Variants in SORCS2 observed in about 807,000 individuals in gnomAD.
SORCS2 encodes the protein VPS10 domain-containing receptor SorCS2.
Under a neutral mutation model 141.6 loss-of-function variants are expected in SORCS2, and 100 were observed. The ratio of observed to expected loss-of-function variants is 0.71; its 90% CI spans 0.60 to 0.83. The LOEUF (loss-of-function observed/expected upper bound fraction) is 0.83, where lower values mean the gene tolerates loss of function less well. SORCS2 is among the 40% of genes least tolerant of loss of function. The probability of loss-of-function intolerance (pLI) is 0.00; values close to 1 mark genes in which losing one functional copy is unlikely to be tolerated. For missense variants in SORCS2, 1,646 were observed against 1,560.2 expected, an observed-to-expected ratio of 1.05 and a Z score of -0.93; for synonymous variants, 789 against 676.9, an observed-to-expected ratio of 1.17 and a Z score of -2.57.
chr4:7,486,575 G>A (rs539165268), intron 2 of SORCS2, among the ~76,000 whole-genome samples: 156 of 152,310 alleles, frequency 1.0e-3, no homozygotes, highest in Middle Eastern at 3.4e-3. Flanking sequence ...GTAGCTTCCC[G>A]GGGCTGCCAG....
At chr4:7,533,926 C>T (rs1180005402) in intron 3 of SORCS2, among the ~76,000 whole-genome samples, 1 of 152,152 alleles carries the variant, frequency 6.6e-6, no homozygotes, top group Admixed American at 6.5e-5. Flanking sequence ...GGGCCAAAGG[C>T]TGGGGCTGCG....
chr4:7,346,773 C>T (rs958220697), intron 1 of SORCS2, among the ~76,000 whole-genome samples: 3 of 152,212 alleles, frequency 2.0e-5, no homozygotes, highest in East Asian at 1.9e-4. Flanking sequence ...GATCTTCCTT[C>T]TCTTTCTTCA....
At chr4:7,457,159 C>T (rs1315593480) in intron 2 of SORCS2, among the ~76,000 whole-genome samples, 3 of 152,218 alleles carry the variant, frequency 2.0e-5, no homozygotes, top group South Asian at 2.1e-4. Context: ...CGACAGCCCC[C>T]GGACAGATTC....
chr4:7,719,909 C>A (rs1471583111), intron 18 of SORCS2, among the ~76,000 whole-genome samples: 3 of 152,150 alleles, frequency 2.0e-5, no homozygotes, highest in African/African-American at 7.2e-5. Flanking sequence ...TCAAAAGATG[C>A]TCTTGGTGGG....
chr4:7,257,180 A>C (rs1319246216), intron 1 of SORCS2, among the ~76,000 whole-genome samples: 1 of 152,076 alleles, frequency 6.6e-6, no homozygotes, highest in Non-Finnish European at 1.5e-5. Flanking sequence ...CAGAGGACAG[A>C]AGTGATATTT....
Position 7,391,332 on chromosome 4 carries a change from C to G in SORCS2, c.481-4956C>G, listed in dbSNP as rs1444518413. Among the ~76,000 whole-genome samples, 3 of 152,202 alleles carry G rather than the reference C, an allele frequency of 2.0e-5. No homozygotes were observed. In the East Asian group the frequency reaches 5.8e-4, roughly 29 times the overall value. ...GAGCAGCAGAAAGTCCTGTTAATGC[C>G]GTTGTGGGTCCGAGGCTGGTTAGCC... is the stretch of plus-strand genomic sequence containing the variant. On this transcript the variant is annotated intron_variant, in intron 1 of 26. Coordinates refer to ENST00000507866, the MANE Select transcript of SORCS2 (RefSeq NM_020777.3).
At chr4:7,734,697 G>A (rs1317238430) in intron 25 of SORCS2, among the ~76,000 whole-genome samples, 1 of 152,210 alleles carries the variant, frequency 6.6e-6, no homozygotes, top group African/African-American at 2.4e-5. Flanking sequence ...TCACAGATGA[G>A]GAAACCAGGC....
intron 2 of SORCS2, among the ~76,000 whole-genome samples, chr4:7,466,772 C>G (rs148221597): frequency 1.3e-5 from 2 of 152,120 alleles, no homozygotes; most frequent in African/African-American, 2.4e-5. Context: ...TCTGGCTGGG[C>G]GATTCCCTAA....
chr4:7,385,023 C>T (rs1032210088), intron 1 of SORCS2, among the ~76,000 whole-genome samples: 2 of 152,150 alleles, frequency 1.3e-5, no homozygotes, highest in African/African-American at 2.4e-5. Flanking sequence ...GGATGCTCTG[C>T]GGGCATTTGT....
At chr4:7,299,355 GCT>G (rs1305520154) in intron 1 of SORCS2, among the ~76,000 whole-genome samples, 1 of 152,234 alleles carries the variant, frequency 6.6e-6, no homozygotes, top group African/African-American at 2.4e-5. Context: ...ATCCCAATCC[GCT>G]CTCCACCGCT....
chr4:7,234,029 T>G (rs1712090158), intron 1 of SORCS2, among the ~76,000 whole-genome samples: 1 of 152,110 alleles, frequency 6.6e-6, no homozygotes, highest in Non-Finnish European at 1.5e-5. Context: ...GCATAGGGGT[T>G]AATGGACCAC....
At chr4:7,553,335 T>A (rs1183547021) in intron 3 of SORCS2, among the ~76,000 whole-genome samples, 3 of 152,196 alleles carry the variant, frequency 2.0e-5, no homozygotes, top group South Asian at 2.1e-4. Flanking sequence ...ATGTAATTTT[T>A]CATCAAAAAA....
At chr4:7,511,867 G>A (rs1262989717) in intron 2 of SORCS2, among the ~76,000 whole-genome samples, 2 of 152,248 alleles carry the variant, frequency 1.3e-5, no homozygotes, top group African/African-American at 4.8e-5. Flanking sequence ...CTTCAGGGGG[G>A]AAATGTCCCT....
intron 19 of SORCS2, among the ~76,000 whole-genome samples, chr4:7,724,438 G>A (rs1726906032): frequency 4.1e-5 from 5 of 123,132 alleles, no homozygotes; most frequent in African/African-American, 1.7e-4. Context: ...GGTGATAATG[G>A]TGACAATGGT....
intron 2 of SORCS2, among the ~76,000 whole-genome samples, chr4:7,418,702 A>ACCCCCCC (rs67571622): frequency 6.3e-5 from 6 of 95,562 alleles, no homozygotes; most frequent in Non-Finnish European, 1.3e-4. Context: ...GTAACAAATG[A>ACCCCCCC]CCCCCCCCCC....
intron 4 of SORCS2, among the ~76,000 whole-genome samples, chr4:7,641,688 C>T (rs898158062): frequency 6.6e-6 from 1 of 151,250 alleles, no homozygotes. Context: ...ATGGACAGAT[C>T]GAGGTTGGGT....
chr4:7,216,009 G>A (rs1476704644), intron 1 of SORCS2, among the ~76,000 whole-genome samples: 4 of 151,898 alleles, frequency 2.6e-5, no homozygotes, highest in South Asian at 2.1e-4. Context: ...TTGTTCTTTC[G>A]CTCTTTGCAA....
chr4:7,412,323 G>GGGTC (rs544953993), intron 2 of SORCS2, among the ~76,000 whole-genome samples: 35 of 152,312 alleles, frequency 2.3e-4, no homozygotes, highest in Middle Eastern at 3.4e-3. Flanking sequence ...GGGCAGAAAG[G>GGGTC]GGTCTCAACT....
intron 3 of SORCS2, among the ~76,000 whole-genome samples, chr4:7,595,793 T>C (rs938126560): frequency 6.6e-6 from 1 of 152,198 alleles, no homozygotes; most frequent in African/African-American, 2.4e-5. Flanking sequence ...GTTCTGACTC[T>C]AGTATTAATG....
Sources: allele counts gnomAD v4.1 joint callset (sites outside exome capture counted in the v4.1 genomes callset), GRCh38; gene constraint gnomAD v4.1.1; transcripts MANE v1.5; gene names NCBI Gene and HGNC (gene_info 2026-07-23, HGNC 2026-07-21).